The following PCDHGB2 variants were observed in gnomAD, a reference collection of about 807,000 sequenced individuals.
The protein encoded by PCDHGB2 is protocadherin gamma subfamily B, 2.
In PCDHGB2, 55 loss-of-function variants were observed where a neutral mutation model predicts 59.3. The observed-to-expected ratio is 0.93, with a 90% confidence interval of 0.75 to 1.16. The LOEUF is 1.16. PCDHGB2 is among the 50% of genes most tolerant of loss of function. The pLI, the probability that PCDHGB2 is intolerant of heterozygous loss-of-function variation, is 0.00. For missense variants in PCDHGB2, 1,228 were observed against 1,198.5 expected, an observed-to-expected ratio of 1.02 and a Z score of -0.36; for synonymous variants, 516 against 512.0, an observed-to-expected ratio of 1.01 and a Z score of -0.11.
At chr5:141,479,685 G>C (rs749895405) in intron 1 of PCDHGB2, 2 of 152,130 alleles carry the variant, frequency 1.3e-5, no homozygotes, top group Non-Finnish European at 2.9e-5. Context: ...AGTCTTTTTG[G>C]TGCCTCCAGT....
At chr5:141,422,465 G>A in intron 1 of PCDHGB2, 1 of 1,613,508 alleles carries the variant, frequency 6.2e-7, no homozygotes, top group Non-Finnish European at 8.5e-7. Flanking sequence ...GTGCTGGACA[G>A]GGAGTTGGTC....
Position 141,431,585 on chromosome 5 carries a change from G to A in PCDHGB2, c.2422-63222G>A. 6.2e-7 allele frequency: 1 copy of A among 1,614,204 alleles called. No individual in the cohort carries two copies. The highest frequency in any genetic ancestry group is 1.6e-4 in the Middle Eastern group (1 of 6,062). On this transcript the variant is annotated intron_variant, in intron 1 of 3. Transcript: ENST00000522605. This position sits in a 1 kb window ranked among gnomAD's most constrained non-coding sequence, Gnocchi z 4.8. ...CGACCCTGACGAAGGAGTCAATGCG[G>A]AAGTGAGGTATTCCTTCCGGTATGT...
intron 1 of PCDHGB2, chr5:141,409,423 T>G: frequency 6.2e-7 from 1 of 1,614,026 alleles, no homozygotes; most frequent in Non-Finnish European, 8.5e-7. Context: ...TGGTGACAGA[T>G]GGAGCCCTGG....
At chr5:141,399,628 G>C in intron 1 of PCDHGB2, 1 of 1,613,890 alleles carries the variant, frequency 6.2e-7, no homozygotes, top group Non-Finnish European at 8.5e-7. Flanking sequence ...GGCCTCTTAC[G>C]TGTCCATGAG....
At chr5:141,375,610 C>T (rs748991083) in intron 1 of PCDHGB2, 1 of 1,614,224 alleles carries the variant, frequency 6.2e-7, no homozygotes, top group South Asian at 1.1e-5. Flanking sequence ...CCATCAACTC[C>T]GACACTGGGA....
At chr5:141,398,255 A>T (rs1244403375) in intron 1 of PCDHGB2, 1 of 1,457,928 alleles carries the variant, frequency 6.9e-7, no homozygotes, top group African/African-American at 1.4e-5. Context: ...GAAATGCCCA[A>T]GGGCTCCGTA....
At chr5:141,447,238 C>T (rs1028683423) in intron 1 of PCDHGB2, among the ~76,000 whole-genome samples, 1 of 152,148 alleles carries the variant, frequency 6.6e-6, no homozygotes, top group Non-Finnish European at 1.5e-5. Context: ...CTCCCGGGTT[C>T]AAGTGATTCT....
intron 1 of PCDHGB2, among the ~76,000 whole-genome samples, chr5:141,469,120 T>C (rs188113354): frequency 6.6e-6 from 1 of 151,574 alleles, no homozygotes; most frequent in East Asian, 1.9e-4. Context: ...CTAAAAAAAT[T>C]TAAAAATTAG....
intron 1 of PCDHGB2, among the ~76,000 whole-genome samples, chr5:141,448,521 GCATCCTGTCAGCATTTC>G (rs1378426350): frequency 1.3e-5 from 2 of 151,994 alleles, no homozygotes; most frequent in Non-Finnish European, 2.9e-5. Flanking sequence ...ACTTTATTAA[GCATCCTGTCAGCATTTC>G]TTATGCAAAT....
intron 1 of PCDHGB2, chr5:141,404,457 C>A: frequency 1.2e-6 from 2 of 1,612,824 alleles, no homozygotes; most frequent in Non-Finnish European, 1.7e-6. Flanking sequence ...TCTCCTCTCT[C>A]CACCTATGTC....
At chr5:141,448,542 T>G (rs2098594694) in intron 1 of PCDHGB2, among the ~76,000 whole-genome samples, 1 of 152,210 alleles carries the variant, frequency 6.6e-6, no homozygotes, top group Non-Finnish European at 1.5e-5. Flanking sequence ...GCATTTCTTA[T>G]GCAAATATGT....
intron 1 of PCDHGB2, chr5:141,389,425 C>T (rs1464186383): frequency 3.1e-6 from 5 of 1,613,500 alleles, no homozygotes; most frequent in Admixed American, 1.7e-5. Flanking sequence ...GTGGTGTTCG[C>T]GCAGCGCGCC....
chr5:141,383,872 C>T, intron 1 of PCDHGB2: 1 of 1,613,908 alleles, frequency 6.2e-7, no homozygotes, highest in Non-Finnish European at 8.5e-7. Flanking sequence ...TCAAGATGGT[C>T]CTGGTAGTCT....
intron 1 of PCDHGB2, chr5:141,430,664 C>G (rs2154553866): frequency 8.3e-7 from 1 of 1,209,890 alleles, no homozygotes; most frequent in East Asian, 2.6e-5. Context: ...CGGAGGAGCT[C>G]TGACTTCCCA....
Position 141,486,676 on chromosome 5 carries a change from T to A in PCDHGB2, c.2422-8131T>A, listed in dbSNP as rs375080564. On this transcript the variant is annotated intron_variant, in intron 1 of 3. Coordinates refer to ENST00000522605, the MANE Select transcript of PCDHGB2 (RefSeq NM_018923.3). This position sits in a 1 kb window ranked among gnomAD's most constrained non-coding sequence, Gnocchi z 5.0. ...CACTCCTGGAGCCCAGGAATCGAGA[T>A]GTATCAGCTTCCTCTTTCATCTCTC... 3 of 1,614,002 alleles carry A rather than the reference T, an allele frequency of 1.9e-6. No homozygotes were observed. The highest frequency in any genetic ancestry group is 2.5e-6 in the Non-Finnish European group (3 of 1,180,036).
rs1243112302 is a variant in PCDHGB2, at chr5:141,476,738, C to G, written c.2422-18069C>G. 6.2e-7 allele frequency: 1 copy of G among 1,614,076 alleles called. No homozygotes were observed. Among genetic ancestry groups the G allele is most frequent in the Non-Finnish European group, 8.5e-7 (1 of 1,180,028 alleles). On this transcript the variant is annotated intron_variant, in intron 1 of 3. Transcript: ENST00000522605. This position sits in a 1 kb window ranked among gnomAD's most constrained non-coding sequence, Gnocchi z 7.6. ...GCGCGCCCTGGACCGAGAACGGGAG[C>G]CTAGTCTCCAGTTAGTGCTGACGGC...
intron 1 of PCDHGB2, chr5:141,388,443 G>A (rs1242973473): frequency 5.0e-6 from 8 of 1,613,872 alleles, no homozygotes; most frequent in Non-Finnish European, 6.8e-6. Flanking sequence ...AGAGAAATCA[G>A]ATGGCAGTAA....
At chr5:141,408,856 G>A (rs750037212) in intron 1 of PCDHGB2, 1 of 1,613,518 alleles carries the variant, frequency 6.2e-7, no homozygotes, top group Non-Finnish European at 8.5e-7. Flanking sequence ...TGGACGGAGG[G>A]GACCCACCAA....
At chr5:141,449,658 C>T (rs1413506303) in intron 1 of PCDHGB2, among the ~76,000 whole-genome samples, 5 of 149,582 alleles carry the variant, frequency 3.3e-5, no homozygotes, top group Admixed American at 3.3e-4. Flanking sequence ...TTTACATACA[C>T]ACCCAAGTGT....
Sources: gnomAD v4.1 joint callset for allele counts (sites outside exome capture counted in the v4.1 genomes callset) on GRCh38, gnomAD v4.1.1 for gene constraint, Gnocchi (gnomAD v3.1) non-coding constraint, MANE v1.5 for transcripts, NCBI Gene and HGNC (gene_info 2026-07-23, HGNC 2026-07-21) for gene names.